The following BAZ2B variants were observed in gnomAD, a reference collection of about 807,000 sequenced individuals.
BAZ2B encodes bromodomain adjacent to zinc finger domain 2B, also known as bromodomain adjacent to zinc finger domain protein 2B.
In BAZ2B, 91 loss-of-function variants were observed where a neutral mutation model predicts 246.0. That is an observed-to-expected ratio of 0.37 (90% CI 0.31 to 0.44). The LOEUF is 0.44. Ranked by LOEUF, BAZ2B falls within the 20% of genes least tolerant of loss-of-function variation. BAZ2B has a pLI of 1.00. For missense variants in BAZ2B, 2,332 were observed against 2,533.7 expected, an observed-to-expected ratio of 0.92 and a Z score of 1.71; for synonymous variants, 855 against 860.0, an observed-to-expected ratio of 0.99 and a Z score of 0.10.
chr2:159,436,699 G>T (rs867136623), intron 8 of BAZ2B, among the ~76,000 whole-genome samples: 1 of 151,978 alleles, frequency 6.6e-6, no homozygotes, highest in Non-Finnish European at 1.5e-5. Flanking sequence ...TGCAGTGAGC[G>T]GAGATCTTGC....
the BAZ2B span, among the ~76,000 whole-genome samples, chr2:159,688,665 G>T: frequency 1.3e-5 from 2 of 152,206 alleles, no homozygotes; most frequent in East Asian, 1.9e-4. Flanking sequence ...CCAATCGAGG[G>T]TCATACATTA....
intron 13 of BAZ2B, among the ~76,000 whole-genome samples, chr2:159,416,998 C>T (rs1322687422): frequency 6.6e-6 from 1 of 152,018 alleles, no homozygotes; most frequent in Non-Finnish European, 1.5e-5. Flanking sequence ...ATGCCATTGG[C>T]TTTTTATCTA....
chr2:159,624,959 T>C, the BAZ2B span, among the ~76,000 whole-genome samples: 1 of 152,028 alleles, frequency 6.6e-6, no homozygotes, highest in African/African-American at 2.4e-5. Context: ...AACTGCTAAC[T>C]AGAATAACCA....
At chr2:159,706,514 G>T in the BAZ2B span, among the ~76,000 whole-genome samples, 1 of 152,220 alleles carries the variant, frequency 6.6e-6, no homozygotes, top group Non-Finnish European at 1.5e-5. Context: ...TCTGAAGTTC[G>T]TGTGTGCCTC....
chr2:159,467,108 A>G (rs1290047581), intron 3 of BAZ2B, among the ~76,000 whole-genome samples: 1 of 152,184 alleles, frequency 6.6e-6, no homozygotes, highest in Non-Finnish European at 1.5e-5. Flanking sequence ...TTGGGAAAGG[A>G]TGTTTTGTAT....
At chr2:159,375,630 T>C (rs60764611) in intron 25 of BAZ2B, among the ~76,000 whole-genome samples, 1,745 of 152,236 alleles carry the variant, frequency 0.011, 44 homozygotes, top group African/African-American at 0.04. Context: ...AGGATTAAAA[T>C]TGGTAAAACT....
chr2:159,663,563 G>A, the BAZ2B span, among the ~76,000 whole-genome samples: 1 of 147,692 alleles, frequency 6.8e-6, no homozygotes, highest in South Asian at 2.1e-4. Flanking sequence ...CACCCAGGCT[G>A]GAATGCAATG....
chr2:159,432,658 T>C, intron 9 of BAZ2B, 99 bp downstream of exon 9: 1 of 1,452,246 alleles, frequency 6.9e-7, no homozygotes, highest in Non-Finnish European at 9.2e-7. Flanking sequence ...TGAAACATAG[T>C]AAATGACGCT....
intron 2 of BAZ2B, among the ~76,000 whole-genome samples, chr2:159,480,143 T>A (rs2079074065): frequency 6.6e-6 from 1 of 152,086 alleles, no homozygotes; most frequent in South Asian, 2.1e-4. Flanking sequence ...ATACAAAAAA[T>A]ATGGACTCTT....
the BAZ2B span, among the ~76,000 whole-genome samples, chr2:159,626,640 C>G: frequency 6.6e-6 from 1 of 151,972 alleles, no homozygotes; most frequent in Non-Finnish European, 1.5e-5. Context: ...ACACAACGTC[C>G]CAGAATCTCT....
chr2:159,694,428 T>C, the BAZ2B span: 1 of 152,140 alleles, frequency 6.6e-6, no homozygotes, highest in African/African-American at 2.4e-5. Flanking sequence ...CACCACTATC[T>C]AGTTGCAGAA....
At chr2:159,551,355 C>T (rs189150429) in intron 2 of BAZ2B, among the ~76,000 whole-genome samples, 1 of 151,360 alleles carries the variant, frequency 6.6e-6, no homozygotes, top group Non-Finnish European at 1.5e-5. Context: ...TGTAGTCCCA[C>T]CTACTCAGGA....
chr2:159,668,203 T>G, the BAZ2B span, among the ~76,000 whole-genome samples: 1 of 152,220 alleles, frequency 6.6e-6, no homozygotes, highest in African/African-American at 2.4e-5. Flanking sequence ...ATATTAATAT[T>G]ATATTCTTTA....
At chr2:159,489,283 G>A (rs1191959138) in intron 2 of BAZ2B, among the ~76,000 whole-genome samples, 2 of 151,870 alleles carry the variant, frequency 1.3e-5, no homozygotes, top group South Asian at 2.1e-4. Flanking sequence ...AAAAACTCAC[G>A]AATGGACTCA....
At chr2:159,533,157 G>A (rs544725381) in intron 2 of BAZ2B, among the ~76,000 whole-genome samples, 3 of 152,314 alleles carry the variant, frequency 2.0e-5, no homozygotes, top group South Asian at 2.1e-4. Context: ...GCACTTTTAA[G>A]TTTTGATTAT....
At chr2:159,588,086 C>T (rs751296425) in intron 1 of BAZ2B, among the ~76,000 whole-genome samples, 4 of 151,628 alleles carry the variant, frequency 2.6e-5, no homozygotes, top group East Asian at 3.9e-4. Flanking sequence ...CCCAGCTACT[C>T]GGGAGGCTAA....
At chr2:159,352,589 G>A (rs1022027096) in intron 27 of BAZ2B, among the ~76,000 whole-genome samples, 2 of 151,676 alleles carry the variant, frequency 1.3e-5, no homozygotes, top group African/African-American at 2.4e-5. Context: ...AAGCTCAAGT[G>A]ATTCTCCCAA....
chr2:159,342,856 C>T (rs1336054920), intron 31 of BAZ2B, among the ~76,000 whole-genome samples: 1 of 152,130 alleles, frequency 6.6e-6, no homozygotes, highest in African/African-American at 2.4e-5. Context: ...ATGCGATCTA[C>T]AGATTCAACA....
chr2:159,688,222 A>T, the BAZ2B span, among the ~76,000 whole-genome samples: 3 of 151,646 alleles, frequency 2.0e-5, no homozygotes, highest in Non-Finnish European at 4.4e-5. Flanking sequence ...TTTAATTTTT[A>T]GTAGAGATGA....
Sources: gnomAD v4.1 joint callset for allele counts (sites outside exome capture counted in the v4.1 genomes callset) on GRCh38, gnomAD v4.1.1 for gene constraint, MANE v1.5 for transcripts, NCBI Gene and HGNC (gene_info 2026-07-23, HGNC 2026-07-21) for gene names.